NEGR1: variants seen among roughly 807,000 people sequenced by gnomAD.
NEGR1 encodes the protein IgLON family member 4.
In NEGR1, 10 loss-of-function variants were observed where a neutral mutation model predicts 40.9. The observed-to-expected ratio is 0.24, with a 90% confidence interval of 0.15 to 0.42. The LOEUF is 0.42. Among genes scored for constraint, NEGR1 ranks in the 10% least tolerant of loss-of-function variants. The pLI is 1.00. For missense variants in NEGR1, 352 were observed against 438.9 expected, an observed-to-expected ratio of 0.80 and a Z score of 1.77; for synonymous variants, 185 against 166.8, an observed-to-expected ratio of 1.11 and a Z score of -0.84.
At chr1:71,774,244 T>C (rs1238458003) in intron 3 of NEGR1, among the ~76,000 whole-genome samples, 6 of 152,146 alleles carry the variant, frequency 3.9e-5, no homozygotes, top group African/African-American at 1.2e-4. Flanking sequence ...AAGGAACTTG[T>C]CTTAAGAGCA....
intron 3 of NEGR1, among the ~76,000 whole-genome samples, chr1:71,721,786 C>A (rs897335776): frequency 1.3e-5 from 2 of 152,094 alleles, no homozygotes; most frequent in African/African-American, 4.8e-5. Flanking sequence ...AGAGTTACTG[C>A]CTGCTCACTG....
intron 6 of NEGR1, among the ~76,000 whole-genome samples, chr1:71,419,639 G>A (rs1646380566): frequency 6.6e-6 from 1 of 152,190 alleles, no homozygotes; most frequent in South Asian, 2.1e-4. Context: ...CAGCAGCACT[G>A]CTTAATGAAA....
chr1:72,237,114 TAGAGA>T (rs1553152798), intron 1 of NEGR1, among the ~76,000 whole-genome samples: 3 of 151,940 alleles, frequency 2.0e-5, no homozygotes, highest in African/African-American at 4.8e-5. Context: ...AAGGTTAAAG[TAGAGA>T]AAAGTTCCTA....
chr1:71,772,030 T>G (rs1656348164), intron 3 of NEGR1, among the ~76,000 whole-genome samples: 1 of 152,022 alleles, frequency 6.6e-6, no homozygotes, highest in Non-Finnish European at 1.5e-5. Context: ...GATGTGGAAA[T>G]CAGACAACAC....
chr1:71,946,476 TTTTAAATA>T (rs1397404280), intron 1 of NEGR1, among the ~76,000 whole-genome samples: 1 of 152,094 alleles, frequency 6.6e-6, no homozygotes, highest in Non-Finnish European at 1.5e-5. Context: ...AAGTTCTCAA[TTTTAAATA>T]TGTCCAAAGA....
intron 2 of NEGR1, among the ~76,000 whole-genome samples, chr1:71,898,442 C>T (rs1182277093): frequency 1.3e-5 from 2 of 152,020 alleles, no homozygotes; most frequent in Non-Finnish European, 2.9e-5. Flanking sequence ...ATTGAAACCC[C>T]GTCTCTACTA....
chr1:71,966,717 A>G (rs928910162), intron 1 of NEGR1, among the ~76,000 whole-genome samples: 4 of 152,190 alleles, frequency 2.6e-5, no homozygotes, highest in African/African-American at 7.2e-5. Flanking sequence ...CTGAAAATCA[A>G]CATGCCTCAA....
At chr1:71,972,830 A>G (rs1048348316) in intron 1 of NEGR1, among the ~76,000 whole-genome samples, 1 of 152,178 alleles carries the variant, frequency 6.6e-6, no homozygotes, top group Non-Finnish European at 1.5e-5. Flanking sequence ...TCTTCACTTT[A>G]AGATATATTG....
chr1:71,559,171 T>A (rs1648360483), intron 6 of NEGR1, among the ~76,000 whole-genome samples: 1 of 150,984 alleles, frequency 6.6e-6, no homozygotes, highest in African/African-American at 2.4e-5. Context: ...TTATTTTTAA[T>A]TTCTTTCTTA....
intron 6 of NEGR1, among the ~76,000 whole-genome samples, chr1:71,549,059 T>C (rs1460678251): frequency 6.6e-6 from 1 of 151,734 alleles, no homozygotes; most frequent in Non-Finnish European, 1.5e-5. Context: ...ACACCAGAGC[T>C]ATAAATTAAA....
chr1:71,591,262 C>T (rs779859212), intron 6 of NEGR1, among the ~76,000 whole-genome samples: 2 of 152,148 alleles, frequency 1.3e-5, no homozygotes, highest in Non-Finnish European at 2.9e-5. Context: ...TCTGAAGGCA[C>T]TACGTTTAGA....
At chr1:72,187,480 A>G (rs1227438917) in intron 1 of NEGR1, among the ~76,000 whole-genome samples, 2 of 151,464 alleles carry the variant, frequency 1.3e-5, no homozygotes, top group African/African-American at 4.8e-5. Context: ...CTCATAACAG[A>G]TCACTGAAAA....
intron 1 of NEGR1, among the ~76,000 whole-genome samples, chr1:72,058,480 T>A (rs1172509874): frequency 1.3e-5 from 2 of 151,656 alleles, no homozygotes; most frequent in African/African-American, 4.8e-5. Flanking sequence ...TAAATAAACA[T>A]AGCAGTACAT....
rs537694032 is a variant in NEGR1, at chr1:71,710,447, T to C, written c.536-12308A>G. On this transcript the variant is annotated intron_variant, in intron 3 of 6. Coordinates refer to ENST00000357731, the MANE Select transcript of NEGR1 (RefSeq NM_173808.3). ...CTCCTATGTTTGTGGCAGCACTGTT[T>C]ACAGTTGCTAAAACTTGGAAGCAAA... Among the ~76,000 whole-genome samples the C allele has an allele frequency of 7.2e-5, 11 of 152,312 alleles. No individual in the cohort carries two copies. The South Asian group carries it at 2.1e-3, about 29-fold the overall frequency.
chr1:71,928,507 CAT>C (rs10583501), intron 2 of NEGR1, among the ~76,000 whole-genome samples: 17,304 of 106,218 alleles, frequency 0.16, 2,688 homozygotes, highest in Admixed American at 0.31. Flanking sequence ...CATATGTATA[CAT>C]GTGTATATAT....
At chr1:71,489,825 GCCCAAA>G (rs1182025951) in intron 6 of NEGR1, 1 of 151,800 alleles carries the variant, frequency 6.6e-6, no homozygotes, top group Admixed American at 6.6e-5. Context: ...GAAAACAAAA[GCCCAAA>G]CCTTTGTAAA....
intron 6 of NEGR1, among the ~76,000 whole-genome samples, chr1:71,484,284 A>G (rs1646873511): frequency 1.3e-5 from 2 of 151,512 alleles, no homozygotes; most frequent in Admixed American, 6.6e-5. Flanking sequence ...AATATTATTC[A>G]CCTTCATGCA....
At chr1:72,085,054 TA>T in intron 1 of NEGR1, among the ~76,000 whole-genome samples, 1 of 152,186 alleles carries the variant, frequency 6.6e-6, no homozygotes, top group East Asian at 1.9e-4. Flanking sequence ...CAAGTTTTCA[TA>T]AAGCTCATTT....
At chr1:72,232,250 G>C (rs559955297) in intron 1 of NEGR1, among the ~76,000 whole-genome samples, 2 of 151,874 alleles carry the variant, frequency 1.3e-5, no homozygotes, top group Admixed American at 1.3e-4. Flanking sequence ...CCAGCTACTC[G>C]GAAGGCTAAG....
Sources: gnomAD v4.1 joint callset for allele counts (sites outside exome capture counted in the v4.1 genomes callset) on GRCh38, gnomAD v4.1.1 for gene constraint, MANE v1.5 for transcripts, NCBI Gene and HGNC (gene_info 2026-07-23, HGNC 2026-07-21) for gene names.